Variants in ZMIZ1 observed in about 807,000 individuals in gnomAD.
ZMIZ1 encodes zinc finger MIZ-type containing 1.
In ZMIZ1, 17 loss-of-function variants were observed where a neutral mutation model predicts 113.9. The observed-to-expected ratio is 0.15, with a 90% confidence interval of 0.10 to 0.22. The LOEUF (loss-of-function observed/expected upper bound fraction) is 0.22. Ranked by LOEUF, ZMIZ1 falls within the 10% of genes least tolerant of loss-of-function variation. The pLI, the probability that ZMIZ1 is intolerant of heterozygous loss-of-function variation, is 1.00. For synonymous variants in ZMIZ1, 607 were observed against 603.1 expected, an observed-to-expected ratio of 1.01 and a Z score of -0.09; for missense variants, 1,059 against 1,477.8, an observed-to-expected ratio of 0.72 and a Z score of 4.65.
chr10:79,132,961 C>T (rs1225747064), intron 2 of ZMIZ1, among the ~76,000 whole-genome samples: 1 of 152,116 alleles, frequency 6.6e-6, no homozygotes, highest in Non-Finnish European at 1.5e-5. Flanking sequence ...TCTTAATGAC[C>T]TGTCGACCTG....
rs1842149878 is a variant in ZMIZ1, at chr10:79,068,990, T to C, written c.-617T>C. On this transcript the variant is annotated 5_prime_UTR_variant, in exon 1 of 25. Transcript: ENST00000334512. ...CACTTACTCACCCCCTAACGCCGAG[T>C]TCCTTTTCACTGTCTGTGGACATTA... 6.6e-6 allele frequency: 1 copy of C among 151,356 alleles called. No homozygotes were observed. Among genetic ancestry groups the C allele is most frequent in the Admixed American group, 6.6e-5 (1 of 15,126 alleles). The allele number at this position is 151,356 out of a possible 1,614,324, so 9.4% of individuals were successfully genotyped here.
In ZMIZ1 at chr10:79,312,887, G is replaced by A. The variant is rs565006164; in HGVS notation, c.*138G>A. 2.0e-4 allele frequency: 145 copies of A among 729,478 alleles called. 2 individuals are homozygous for A. Among genetic ancestry groups the A allele is most frequent in the South Asian group, 1.6e-3 (89 of 57,000 alleles). 45.2% of individuals were successfully genotyped at this position (729,478 alleles called of 1,614,324 possible). On this transcript the variant is annotated 3_prime_UTR_variant, in exon 25 of 25. Coordinates refer to ENST00000334512, the MANE Select transcript of ZMIZ1 (RefSeq NM_020338.4). ...GCTGTGGGGCGGGGAGCCCTCCCCC[G>A]CTGCAGCCCTCTCAGAACAGAGGGG...
At chr10:79,300,625 C>G (rs1166868663) in intron 16 of ZMIZ1, 107 bp from the exon 17 acceptor site, 4 of 1,346,178 alleles carry the variant, frequency 3.0e-6, no homozygotes, top group Non-Finnish European at 4.1e-6. Flanking sequence ...TCCTGAGGAT[C>G]TCGGAGGTTG....
chr10:79,175,368 GA>G (rs1259098021), intron 4 of ZMIZ1, among the ~76,000 whole-genome samples: 1 of 152,144 alleles, frequency 6.6e-6, no homozygotes, highest in Non-Finnish European at 1.5e-5. Flanking sequence ...CTCCTCTCGT[GA>G]TCATGCCTGT....
At chr10:79,212,861 C>G (rs1848580557) in intron 6 of ZMIZ1, among the ~76,000 whole-genome samples, 1 of 152,168 alleles carries the variant, frequency 6.6e-6, no homozygotes, top group African/African-American at 2.4e-5. Context: ...CTCAGCCTCC[C>G]AAAGTGCTGG....
chr10:79,217,220 G>A (rs1367260972), intron 7 of ZMIZ1, among the ~76,000 whole-genome samples: 1 of 152,160 alleles, frequency 6.6e-6, no homozygotes, highest in African/African-American at 2.4e-5. Flanking sequence ...TCAGGAGATC[G>A]AGACCATCCT....
At chr10:79,165,855 C>G (rs2132509426) in intron 4 of ZMIZ1, among the ~76,000 whole-genome samples, 1 of 150,404 alleles carries the variant, frequency 6.6e-6, no homozygotes, top group South Asian at 2.1e-4. Flanking sequence ...CGGGCCTGGT[C>G]TGCTAGGGGG....
chr10:79,093,293 A>T (rs963448029), intron 1 of ZMIZ1, among the ~76,000 whole-genome samples: 70 of 3,884 alleles, frequency 0.018, no homozygotes, highest in South Asian at 0.081. Flanking sequence ...GTTTTATTTT[A>T]TTTATTTATT....
intron 7 of ZMIZ1, among the ~76,000 whole-genome samples, chr10:79,224,228 T>TA (rs1180083883): frequency 1.3e-5 from 2 of 152,340 alleles, no homozygotes; most frequent in East Asian, 3.9e-4. Context: ...AATGTCAACT[T>TA]ACAAGTAATG....
At chr10:79,078,717 G>A (rs866429589) in intron 1 of ZMIZ1, among the ~76,000 whole-genome samples, 1 of 53,900 alleles carries the variant, frequency 1.9e-5, no homozygotes, top group African/African-American at 7.8e-5. Flanking sequence ...GCTAATTTTT[G>A]TATTTTTTTT....
intron 20 of ZMIZ1, 104 bp downstream of exon 20, chr10:79,305,335 C>A: frequency 1.4e-6 from 2 of 1,388,880 alleles, no homozygotes; most frequent in African/African-American, 1.4e-5. Context: ...AAACCAGAAC[C>A]CAAACATGGC....
intron 4 of ZMIZ1, among the ~76,000 whole-genome samples, chr10:79,198,721 T>C (rs1328688974): frequency 2.0e-5 from 3 of 152,238 alleles, no homozygotes; most frequent in Non-Finnish European, 4.4e-5. Context: ...TGAACGGTTA[T>C]TCCTGCAGCA....
chr10:79,300,402 G>A (rs1854211774), intron 16 of ZMIZ1, among the ~76,000 whole-genome samples: 2 of 152,208 alleles, frequency 1.3e-5, no homozygotes, highest in Non-Finnish European at 2.9e-5. Flanking sequence ...TGTCAAATGA[G>A]TGCCTGTTCA....
At position 79,297,690 on chromosome 10, in the gene ZMIZ1, G is replaced by A. The variant is rs200062320; in HGVS notation, c.1491G>A (p.Arg497=). The A allele has an allele frequency of 1.2e-5, 19 of 1,613,320 alleles. No individual in the cohort carries two copies. The highest frequency in any genetic ancestry group is 1.7e-5 in the Admixed American group (1 of 59,972). The change falls in exon 14 of 25, where the codon AGG becomes AGA. Residue 497 remains arginine (R), a splice_region_variant and synonymous_variant. Coordinates refer to ENST00000334512, the MANE Select transcript of ZMIZ1 (RefSeq NM_020338.4). The part of the protein sequence containing the change: ...YSNYSQGNVN[R]PPRPVPVANY... ...ACTACAGCCAAGGGAATGTCAACAG[G>A]GTATGTTCCAATTTAATTTACAAAT...
intron 7 of ZMIZ1, among the ~76,000 whole-genome samples, chr10:79,247,547 C>T (rs1850282615): frequency 6.6e-6 from 1 of 152,214 alleles, no homozygotes; most frequent in Non-Finnish European, 1.5e-5. Context: ...CCAGCCATGG[C>T]CCTGACTTCT....
intron 8 of ZMIZ1, among the ~76,000 whole-genome samples, chr10:79,284,777 T>A (rs751527575): frequency 1.3e-5 from 2 of 152,182 alleles, no homozygotes; most frequent in African/African-American, 2.4e-5. Flanking sequence ...AGAGCCCACA[T>A]AGGGAACCTC....
intron 4 of ZMIZ1, among the ~76,000 whole-genome samples, chr10:79,177,111 G>A (rs1363877927): frequency 6.6e-6 from 1 of 152,208 alleles, no homozygotes; most frequent in Non-Finnish European, 1.5e-5. Context: ...CCAGTGAAGC[G>A]TGGGCCTGCT....
At chr10:79,156,133 A>G (rs761979424) in intron 3 of ZMIZ1, among the ~76,000 whole-genome samples, 26 of 143,686 alleles carry the variant, frequency 1.8e-4, no homozygotes, top group Admixed American at 1.4e-3. Context: ...AGGCATTGTC[A>G]TCAGTTGTTT....
At chr10:79,196,357 G>A (rs1847832255) in intron 4 of ZMIZ1, among the ~76,000 whole-genome samples, 1 of 152,170 alleles carries the variant, frequency 6.6e-6, no homozygotes, top group East Asian at 1.9e-4. Flanking sequence ...AGCCCTGCCT[G>A]GGAGCAAAGC....
Sources: allele counts gnomAD v4.1 joint callset (sites outside exome capture counted in the v4.1 genomes callset), GRCh38; gene constraint gnomAD v4.1.1; transcripts MANE v1.5; gene names NCBI Gene and HGNC (gene_info 2026-07-23, HGNC 2026-07-21).